The following OTUD7A variants were observed in gnomAD, a reference collection of about 807,000 sequenced individuals.
OTUD7A encodes the protein OTU domain-containing protein 7A.
OTUD7A carries 12 observed loss-of-function variants against 65.7 expected under a neutral mutation model. The observed-to-expected ratio is 0.18, with a 90% CI of 0.12 to 0.30. The LOEUF (loss-of-function observed/expected upper bound fraction) is 0.30, where lower values mean the gene tolerates loss of function less well. OTUD7A is among the 10% of genes least tolerant of loss of function. The probability of loss-of-function intolerance (pLI) is 1.00; values close to 1 mark genes in which losing one functional copy is unlikely to be tolerated. For synonymous variants in OTUD7A, 641 were observed against 586.3 expected (o/e 1.09, Z -1.35); for missense variants, 1,148 against 1,304.8 (o/e 0.88, Z 1.85).
At chr15:31,802,101 ATATG>A (rs1166258488) in intron 1 of OTUD7A, among the ~76,000 whole-genome samples, 7,610 of 140,610 alleles carry the variant, frequency 0.054, 211 homozygotes, top group African/African-American at 0.079. Context: ...GTGTGTGTAT[ATATG>A]TGTGTGTGTG....
chr15:31,852,324 A>G (rs559890249), intron 1 of OTUD7A, among the ~76,000 whole-genome samples: 1 of 152,346 alleles, frequency 6.6e-6, no homozygotes, highest in Non-Finnish European at 1.5e-5. Flanking sequence ...GGAAATCTTC[A>G]TCAACTCTTG....
chr15:31,727,536 A>T (rs1458001312), intron 1 of OTUD7A, among the ~76,000 whole-genome samples: 1 of 152,164 alleles, frequency 6.6e-6, no homozygotes, highest in East Asian at 1.9e-4. Context: ...GTATTTTGAG[A>T]CCAATTCATG....
rs919254634 is a variant in OTUD7A, at chr15:31,720,622, A to G, written c.-99-63545T>C. 2.7e-4 allele frequency among the ~76,000 whole-genome samples: 41 copies of G among 152,202 alleles called. 1 individual carries two copies. Among genetic ancestry groups the G allele is most frequent in the Middle Eastern group, 6.8e-3 (2 of 294 alleles). The stretch of plus-strand genomic sequence containing the variant: ...TCACTGTGTTAGCCAGGATGCTCTC[A>G]ATCTCCTGACCTCCTGATCTGCCCG... On this transcript the variant is annotated intron_variant, in intron 1 of 12. Coordinates refer to ENST00000307050, the MANE Select transcript of OTUD7A (RefSeq NM_001382637.1).
rs116165907 is a variant in OTUD7A at position 31,742,588 on chromosome 15, C to G, written c.-99-85511G>C. On this transcript the variant is annotated intron_variant, in intron 1 of 12. Coordinates refer to ENST00000307050, the MANE Select transcript of OTUD7A (RefSeq NM_001382637.1). ...CTTTTCCTACCACAGAAAAATAGAACTAAACCTAAACATATACATAATTGA... is the reference window on the plus strand; with the variant it reads ...CTTTTCCTACCACAGAAAAATAGAAGTAAACCTAAACATATACATAATTGA... 6.3e-3 allele frequency among the ~76,000 whole-genome samples: 962 copies of G among 152,118 alleles called. 8 individuals carry two copies. The highest frequency in any genetic ancestry group is 0.021 in the African/African-American group (872 of 41,520).
In OTUD7A at chr15:31,831,542, T is replaced by C. The variant is rs536448968; in HGVS notation, c.-100+38965A>G. ...GCAGGCTGCCAGTGCCAAATGCTGG[T>C]GAGGACGCCCAGTGCCCAGAACCCT... On this transcript the variant is annotated intron_variant, in intron 1 of 12. Transcript: ENST00000307050. Among the ~76,000 whole-genome samples, 6 of 152,166 alleles carry C rather than the reference T, an allele frequency of 3.9e-5. No homozygotes were observed. In the South Asian group the frequency reaches 1.2e-3, roughly 31 times the overall value.
intron 3 of OTUD7A, among the ~76,000 whole-genome samples, chr15:31,626,382 T>C (rs1890952001): frequency 1.3e-5 from 2 of 152,044 alleles, no homozygotes; most frequent in South Asian, 4.2e-4. Context: ...AAAATGTTAA[T>C]TGTAGAATCT....
Position 31,479,920 on chromosome 15 carries a change from ATT to A in OTUD7A, c.*3372_*3373del, listed in dbSNP as rs1244470675. 2.6e-5 allele frequency: 4 copies of A among 152,256 alleles called. No homozygotes were observed. In the East Asian group the frequency reaches 7.7e-4, roughly 29 times the overall value. 9.4% of individuals were successfully genotyped at this position (152,256 alleles called of 1,614,324 possible). A position where few individuals can be genotyped will look rare whatever the true frequency, so the allele number is the denominator to read the frequency against. On this transcript the variant is annotated 3_prime_UTR_variant, in exon 13 of 13. Coordinates refer to ENST00000307050, the MANE Select transcript of OTUD7A (RefSeq NM_001382637.1). The stretch of plus-strand genomic sequence containing the variant: ...CACAGTAATTTAGTGAATACAAAGT[ATT>A]CATTTAAGAGGAAAGGTGCAGTACC...
At chr15:31,766,425 G>A in intron 1 of OTUD7A, 1 of 1,579,842 alleles carries the variant, frequency 6.3e-7, no homozygotes, top group Non-Finnish European at 8.7e-7. Context: ...CAAACTTTGT[G>A]TGCCAGTCAA....
chr15:31,627,267 A>C (rs1160037923), intron 3 of OTUD7A, among the ~76,000 whole-genome samples: 1 of 111,024 alleles, frequency 9.0e-6, no homozygotes, highest in Non-Finnish European at 1.7e-5. Flanking sequence ...CAGTCCCCGG[A>C]GTGTGATGTT....
chr15:31,699,057 A>G (rs931541282), intron 1 of OTUD7A, among the ~76,000 whole-genome samples: 2 of 150,614 alleles, frequency 1.3e-5, no homozygotes, highest in Non-Finnish European at 3.0e-5. Flanking sequence ...TTCTGCATCA[A>G]ACTATGAAAG....
rs1423591897 is a variant in OTUD7A at position 31,779,700 on chromosome 15, G to C, written c.-100+90807C>G. Among the ~76,000 whole-genome samples, 4 of 152,126 alleles carry C rather than the reference G, an allele frequency of 2.6e-5. No individual in the cohort carries two copies. The East Asian group carries it at 7.7e-4, about 29-fold the overall frequency. On this transcript the variant is annotated intron_variant, in intron 1 of 12. Transcript: ENST00000307050. ...TGCAACTTCCTGAACATCGGCCTAG[G>C]TTGTCACTGTTAGGATCTGGACACC...
At chr15:31,523,703 G>C (rs7181065) in intron 8 of OTUD7A, among the ~76,000 whole-genome samples, 108,886 of 151,660 alleles carry the variant, frequency 0.72, 39,712 homozygotes, top group African/African-American at 0.86. Context: ...GCCTTCAGGT[G>C]CTTCAGTCAG....
intron 1 of OTUD7A, among the ~76,000 whole-genome samples, chr15:31,702,556 G>A (rs1231983393): frequency 1.3e-5 from 2 of 150,492 alleles, no homozygotes; most frequent in Admixed American, 6.6e-5. Flanking sequence ...ATATGCATAG[G>A]ACTTGTATGC....
chr15:31,674,649 G>A (rs1032278317), intron 1 of OTUD7A, among the ~76,000 whole-genome samples: 2 of 152,196 alleles, frequency 1.3e-5, no homozygotes, highest in Non-Finnish European at 2.9e-5. Context: ...ATCTGCATGT[G>A]CCATGCTGGA....
intron 1 of OTUD7A, among the ~76,000 whole-genome samples, chr15:31,829,791 A>G (rs1896886820): frequency 6.6e-6 from 1 of 152,240 alleles, no homozygotes; most frequent in African/African-American, 2.4e-5. Context: ...CTCACAGAGA[A>G]GGAAAAGGCT....
In OTUD7A at chr15:31,484,137, C is replaced by G; in HGVS notation, c.1959G>C (p.Arg653=). 8 of 1,609,460 alleles carry G rather than the reference C, an allele frequency of 5.0e-6. No individual in the cohort carries two copies. The highest frequency in any genetic ancestry group is 6.8e-6 in the Non-Finnish European group (8 of 1,179,538). ...IFAGLLLTSH[R]HQFHEEMIGY... ...CGATCATCTCCTCGTGGAACTGGTGCCGGTGGCTGGTGAGCAGCAGGCCGG... is the reference window on the plus strand; with the variant it reads ...CGATCATCTCCTCGTGGAACTGGTGGCGGTGGCTGGTGAGCAGCAGGCCGG... Residue 653 remains arginine, a synonymous_variant, in exon 13 of 13, where the codon CGG becomes CGC. Coordinates refer to ENST00000307050, the MANE Select transcript of OTUD7A (RefSeq NM_001382637.1). The surrounding 1 kb of genome is among the most constrained non-coding windows in gnomAD (Gnocchi z 4.5).
chr15:31,528,442 G>T (rs953587653), intron 6 of OTUD7A, among the ~76,000 whole-genome samples: 1 of 152,262 alleles, frequency 6.6e-6, no homozygotes. Flanking sequence ...TGAGCCTCTG[G>T]AGAGTCTACA....
chr15:31,763,731 C>T (rs1895032068), intron 1 of OTUD7A, among the ~76,000 whole-genome samples: 1 of 152,124 alleles, frequency 6.6e-6, no homozygotes, highest in Non-Finnish European at 1.5e-5. Context: ...CAGGCCCAGA[C>T]AAATCATAAT....
At chr15:31,628,505 A>G (rs1220594624) in intron 3 of OTUD7A, among the ~76,000 whole-genome samples, 1 of 152,102 alleles carries the variant, frequency 6.6e-6, no homozygotes, top group African/African-American at 2.4e-5. Context: ...GCCTTGTAGT[A>G]TAGTTTGAAG....
Sources: gnomAD v4.1 joint callset for allele counts (sites outside exome capture counted in the v4.1 genomes callset) on GRCh38, gnomAD v4.1.1 for gene constraint, Gnocchi (gnomAD v3.1) non-coding constraint, MANE v1.5 for transcripts, NCBI Gene and HGNC (gene_info 2026-07-23, HGNC 2026-07-21) for gene names.